CACNA1C: variants seen among roughly 807,000 people sequenced by gnomAD.
CACNA1C encodes the protein calcium voltage-gated channel subunit alpha1 C, also known as voltage-dependent L-type calcium channel subunit alpha-1C.
CACNA1C carries 30 observed loss-of-function variants against 229.0 expected under a neutral mutation model. The observed-to-expected ratio is 0.13, with a 90% CI of 0.10 to 0.18. CACNA1C has a LOEUF of 0.18. CACNA1C is among the 10% of genes least tolerant of loss of function. The probability of loss-of-function intolerance (pLI) is 1.00; values close to 1 mark genes in which losing one functional copy is unlikely to be tolerated. For missense variants in CACNA1C, 1,658 were observed against 2,845.0 expected, an observed-to-expected ratio of 0.58 and a Z score of 9.49; for synonymous variants, 1,114 against 1,132.5, an observed-to-expected ratio of 0.98 and a Z score of 0.33.
At chr12:2,453,470 A>G (rs1346445323) in intron 4 of CACNA1C, among the ~76,000 whole-genome samples, 2 of 152,132 alleles carry the variant, frequency 1.3e-5, no homozygotes, top group African/African-American at 4.8e-5. Flanking sequence ...AACACGACCC[A>G]GCGTGTAGTG....
upstream of CACNA1C, among the ~76,000 whole-genome samples, chr12:2,050,370 G>A (rs990352937): frequency 6.6e-6 from 1 of 152,138 alleles, no homozygotes; most frequent in African/African-American, 2.4e-5. Context: ...TAATCATGAC[G>A]ATAACACATA....
At chr12:2,474,132 C>A (rs2099608086) in intron 5 of CACNA1C, among the ~76,000 whole-genome samples, 1 of 152,136 alleles carries the variant, frequency 6.6e-6, no homozygotes, top group Non-Finnish European at 1.5e-5. Context: ...CATTTACCAC[C>A]AAAACCATAG....
chr12:2,125,670 C>G (rs1443604479), intron 3 of CACNA1C, among the ~76,000 whole-genome samples: 3 of 151,894 alleles, frequency 2.0e-5, no homozygotes. Flanking sequence ...TGGAGTGGGC[C>G]CTAGGAGTTT....
intron 30 of CACNA1C, among the ~76,000 whole-genome samples, chr12:2,643,925 T>C (rs2094036424): frequency 6.6e-6 from 1 of 152,130 alleles, no homozygotes; most frequent in East Asian, 1.9e-4. Context: ...CAGAACCAGC[T>C]GTTGTGTCTT....
intron 1 of CACNA1C, among the ~76,000 whole-genome samples, chr12:1,982,689 C>T (rs1046811540): frequency 2.6e-5 from 4 of 151,972 alleles, no homozygotes; most frequent in Non-Finnish European, 4.4e-5. Flanking sequence ...TTTTTTTGTT[C>T]GCATTTTGCT....
intron 1 of CACNA1C, among the ~76,000 whole-genome samples, chr12:2,090,669 C>T (rs1330822479): frequency 6.6e-6 from 1 of 152,152 alleles, no homozygotes. Context: ...GACATTTGGA[C>T]TTGTTATTGT....
intron 1 of CACNA1C, among the ~76,000 whole-genome samples, chr12:2,043,435 T>TG (rs2050489346): frequency 6.6e-6 from 1 of 152,142 alleles, no homozygotes; most frequent in South Asian, 2.1e-4. Flanking sequence ...TTCTCTATCT[T>TG]GCAGCTGTAC....
intron 1 of CACNA1C, among the ~76,000 whole-genome samples, chr12:2,070,546 G>A (rs889348386): frequency 1.3e-5 from 2 of 152,146 alleles, no homozygotes; most frequent in Non-Finnish European, 2.9e-5. Context: ...AGTTTAGTCA[G>A]GTACAGGATT....
chr12:2,293,627 A>G (rs1384578930), intron 3 of CACNA1C, among the ~76,000 whole-genome samples: 1 of 152,250 alleles, frequency 6.6e-6, no homozygotes, highest in Admixed American at 6.5e-5. Flanking sequence ...ATGGCCCAAG[A>G]CAATTCTTCT....
intron 9 of CACNA1C, among the ~76,000 whole-genome samples, chr12:2,545,546 C>A (rs1469136880): frequency 6.6e-6 from 1 of 152,122 alleles, no homozygotes; most frequent in Non-Finnish European, 1.5e-5. Context: ...TGCTTTATGA[C>A]CCAAATCGCT....
chr12:2,277,455 T>G (rs1388351511), intron 3 of CACNA1C, among the ~76,000 whole-genome samples: 1 of 151,074 alleles, frequency 6.6e-6, no homozygotes, highest in East Asian at 2.0e-4. Context: ...AGAGGACTTC[T>G]CTTCTTGATT....
intron 7 of CACNA1C, among the ~76,000 whole-genome samples, chr12:2,500,736 C>T (rs577463149): frequency 1.3e-5 from 2 of 152,274 alleles, no homozygotes; most frequent in East Asian, 1.9e-4. Flanking sequence ...CCTTTGGGGT[C>T]GAACAGAACA....
intron 3 of CACNA1C, among the ~76,000 whole-genome samples, chr12:2,391,156 C>A (rs2098472905): frequency 6.6e-6 from 1 of 152,142 alleles, no homozygotes. Flanking sequence ...ATGGGGTTTC[C>A]CTTCATTGAG....
chr12:2,381,419 G>A (rs930283578), intron 3 of CACNA1C, among the ~76,000 whole-genome samples: 3 of 152,212 alleles, frequency 2.0e-5, no homozygotes, highest in Non-Finnish European at 2.9e-5. Context: ...CAGCATTCAG[G>A]TTGTAGAGAC....
intron 18 of CACNA1C, among the ~76,000 whole-genome samples, chr12:2,591,112 A>T (rs2065102922): frequency 6.6e-6 from 1 of 152,232 alleles, no homozygotes; most frequent in Non-Finnish European, 1.5e-5. Flanking sequence ...CTAGGGAAAG[A>T]ATCTGATTGA....
intron 3 of CACNA1C, among the ~76,000 whole-genome samples, chr12:2,203,919 G>A (rs186630538): frequency 6.6e-5 from 10 of 152,330 alleles, no homozygotes; most frequent in East Asian, 3.9e-4. Flanking sequence ...TCTTTGCTGC[G>A]TGTGATTTCT....
At position 2,575,076 on chromosome 12, in the gene CACNA1C, G is replaced by T. The variant is rs2057905444; in HGVS notation, c.1896-6514G>T. Among the ~76,000 whole-genome samples the T allele has an allele frequency of 6.6e-6, 1 of 152,186 alleles. No homozygotes were observed. The highest frequency in any genetic ancestry group is 2.1e-4 in the South Asian group (1 of 4,830). ...TAAGGCCATCCCCAGGTCCAGGCCA[G>T]ACCACCTTGCCCGCTTGACCAGGTT... On this transcript the variant is annotated intron_variant, in intron 13 of 46. Transcript: ENST00000399655. The surrounding 1 kb of genome is among the most constrained non-coding windows in gnomAD (Gnocchi z 4.0).
rs897293444 is a variant in CACNA1C at position 2,054,010 on chromosome 12, C to T, written c.49+399C>T. Among the ~76,000 whole-genome samples the T allele has an allele frequency of 1.4e-5, 2 of 147,362 alleles. No homozygotes were observed. Among genetic ancestry groups the T allele is most frequent in the Non-Finnish European group, 3.0e-5 (2 of 66,344 alleles). On this transcript the variant is annotated intron_variant, in intron 1 of 46. Coordinates refer to ENST00000399655, the MANE Select transcript of CACNA1C (RefSeq NM_000719.7). The surrounding 1 kb of genome is among the most constrained non-coding windows in gnomAD (Gnocchi z 5.5). The stretch of plus-strand genomic sequence containing the variant: ...GCCGCGGAGCCCAGAGGCCCGGGGT[C>T]CCTCGCCCGGCTCGGGGCGCGGCTG...
Position 2,135,680 on chromosome 12 carries a change from G to A in CACNA1C, c.477+15250G>A, listed in dbSNP as rs538099297. 4.5e-3 allele frequency among the ~76,000 whole-genome samples: 629 copies of A among 140,474 alleles called. 6 individuals carry two copies. The highest frequency in any genetic ancestry group is 0.013 in the African/African-American group (429 of 33,666). The allele number at this position is 140,474 out of a possible 152,430, so 92.2% of individuals were successfully genotyped here. ...TCTGCCCGTTCTCAGATCTCCAGCC[G>A]CGTGCTGGGAGAACCACTGCTCTCT... On this transcript the variant is annotated intron_variant, in intron 3 of 46. Coordinates refer to ENST00000399655, the MANE Select transcript of CACNA1C (RefSeq NM_000719.7).
Sources: gnomAD v4.1 joint callset for allele counts (sites outside exome capture counted in the v4.1 genomes callset) on GRCh38, gnomAD v4.1.1 for gene constraint, Gnocchi (gnomAD v3.1) non-coding constraint, MANE v1.5 for transcripts, NCBI Gene and HGNC (gene_info 2026-07-23, HGNC 2026-07-21) for gene names.